Variants in NAV2 observed in about 807,000 individuals in gnomAD.
NAV2 encodes the protein neuron navigator 2.
A neutral mutation model predicts 223.2 loss-of-function variants in NAV2; 54 were observed. That is an observed-to-expected ratio of 0.24 (90% CI 0.19 to 0.30). The LOEUF (loss-of-function observed/expected upper bound fraction) is 0.30. NAV2 is among the 10% of genes least tolerant of loss of function. The probability of loss-of-function intolerance (pLI) is 1.00; values close to 1 mark genes in which losing one functional copy is unlikely to be tolerated. For missense variants in NAV2, 2,806 were observed against 3,147.5 expected, an observed-to-expected ratio of 0.89 and a Z score of 2.60; for synonymous variants, 1,279 against 1,239.3, an observed-to-expected ratio of 1.03 and a Z score of -0.67.
chr11:20,007,643 G>A (rs948889233), intron 11 of NAV2, among the ~76,000 whole-genome samples: 1 of 152,230 alleles, frequency 6.6e-6, no homozygotes, highest in South Asian at 2.1e-4. Context: ...TTGGCTGGGG[G>A]ACAAAAGCCA....
upstream of NAV2, among the ~76,000 whole-genome samples, chr11:19,708,988 C>T (rs918394966): frequency 6.6e-6 from 1 of 151,818 alleles, no homozygotes; most frequent in Admixed American, 6.6e-5. Context: ...TTCTCCAAAC[C>T]AGTGACTTGC....
At position 19,369,842 on chromosome 11, in the gene NAV2, A is replaced by G. The variant is rs143047198; in HGVS notation, c.75+18815A>G. On this transcript the variant is annotated intron_variant, in intron 1 of 37. Coordinates refer to the NAV2 transcript ENST00000360655. ...AGTTTCCTTTGGTAGGCACCTTGAC[A>G]TCTCTTTTCTTGCTGGGGCTTTAAC... 8.8e-3 allele frequency among the ~76,000 whole-genome samples: 1,335 copies of G among 152,316 alleles called. 9 individuals carry two copies. The highest frequency in any genetic ancestry group is 0.011 in the Non-Finnish European group (767 of 68,028).
At chr11:19,351,116 G>A (rs1853282778) in intron 1 of NAV2, 1 of 1,297,816 alleles carries the variant, frequency 7.7e-7, no homozygotes, top group African/African-American at 1.5e-5. Context: ...CATCGAGCAT[G>A]CTTGTCTGTC....
chr11:19,984,048 G>A (rs1035067770), intron 10 of NAV2, 77 bp from the exon 11 acceptor site: 17 of 1,599,440 alleles, frequency 1.1e-5, no homozygotes, highest in Non-Finnish European at 1.5e-5. Flanking sequence ...GGCTGTACAG[G>A]CTTCTGGATA....
chr11:19,462,324 C>T (rs575662672), intron 1 of NAV2, among the ~76,000 whole-genome samples: 3 of 152,274 alleles, frequency 2.0e-5, no homozygotes, highest in African/African-American at 7.2e-5. Context: ...ACAACTACTC[C>T]TAATTCCATA....
chr11:19,510,239 A>T (rs1186254093), intron 1 of NAV2, among the ~76,000 whole-genome samples: 1 of 152,222 alleles, frequency 6.6e-6, no homozygotes, highest in Non-Finnish European at 1.5e-5. Context: ...TTCTAAGCAC[A>T]TTAAGTGTGT....
At chr11:19,361,306 A>C (rs955170832) in intron 1 of NAV2, among the ~76,000 whole-genome samples, 5 of 151,684 alleles carry the variant, frequency 3.3e-5, no homozygotes, top group Non-Finnish European at 5.9e-5. Flanking sequence ...TCTTGTCCAT[A>C]GAAATCTGAG....
At chr11:19,588,394 T>C (rs1590619846) in intron 1 of NAV2, among the ~76,000 whole-genome samples, 1 of 152,206 alleles carries the variant, frequency 6.6e-6, no homozygotes, top group Non-Finnish European at 1.5e-5. Flanking sequence ...TCTAGGCCCA[T>C]AGCTGCAAAA....
At chr11:19,534,074 A>G (rs1321028548) in intron 1 of NAV2, among the ~76,000 whole-genome samples, 1 of 152,048 alleles carries the variant, frequency 6.6e-6, no homozygotes, top group Non-Finnish European at 1.5e-5. Flanking sequence ...TTGTCACCCC[A>G]TGCCACCCTT....
At chr11:19,790,900 G>GTT (rs572549834) in intron 1 of NAV2, among the ~76,000 whole-genome samples, 4 of 141,510 alleles carry the variant, frequency 2.8e-5, no homozygotes, top group Non-Finnish European at 4.7e-5. Context: ...AATATTGCTT[G>GTT]TTTTTTTTTT....
intron 1 of NAV2, among the ~76,000 whole-genome samples, chr11:19,656,197 G>C (rs929141087): frequency 5.3e-5 from 8 of 152,202 alleles, no homozygotes; most frequent in Admixed American, 4.6e-4. Flanking sequence ...AGAGCACTGA[G>C]GAGTGGCATG....
rs544782903 is a variant in NAV2 at position 19,619,359 on chromosome 11, A to G, written c.76-213125A>G. 2.8e-3 allele frequency among the ~76,000 whole-genome samples: 433 copies of G among 152,254 alleles called. 4 individuals carry two copies. Among genetic ancestry groups the G allele is most frequent in the African/African-American group, 1.0e-2 (415 of 41,540 alleles). ...CACTGACTTCCACAATGGTTGAACT[A>G]GTTTACAGTCCCACCAACAGTGTAA... On this transcript the variant is annotated intron_variant, in intron 1 of 37. Coordinates refer to the NAV2 transcript ENST00000360655.
intron 3 of NAV2, among the ~76,000 whole-genome samples, chr11:19,844,823 T>G (rs895618776): frequency 2.3e-5 from 3 of 132,286 alleles, no homozygotes; most frequent in African/African-American, 6.5e-5. Flanking sequence ...GAACTGTGTG[T>G]TTTTTTTTTT....
intron 1 of NAV2, among the ~76,000 whole-genome samples, chr11:19,678,178 TAAG>T (rs1376285164): frequency 6.6e-6 from 1 of 152,194 alleles, no homozygotes; most frequent in Admixed American, 6.5e-5. Context: ...ATAAGGATGA[TAAG>T]AAGAAAACCA....
chr11:19,996,178 G>T (rs1386540885), intron 11 of NAV2, among the ~76,000 whole-genome samples: 1 of 152,174 alleles, frequency 6.6e-6, no homozygotes, highest in Non-Finnish European at 1.5e-5. Flanking sequence ...TTGAATTAAG[G>T]TCTCTCTGGC....
At chr11:19,530,448 C>T (rs1192465228) in intron 1 of NAV2, among the ~76,000 whole-genome samples, 1 of 152,236 alleles carries the variant, frequency 6.6e-6, no homozygotes, top group Non-Finnish European at 1.5e-5. Flanking sequence ...GAAGGGCTCA[C>T]AGCAATTGTA....
At chr11:19,833,734 G>A (rs960451838) in intron 2 of NAV2, among the ~76,000 whole-genome samples, 1 of 152,188 alleles carries the variant, frequency 6.6e-6, no homozygotes, top group Non-Finnish European at 1.5e-5. Context: ...GTTGCCCAGG[G>A]TTGCATTCTC....
chr11:19,624,298 A>G (rs958333857), intron 1 of NAV2, among the ~76,000 whole-genome samples: 1 of 152,202 alleles, frequency 6.6e-6, no homozygotes, highest in Non-Finnish European at 1.5e-5. Flanking sequence ...CAAAGCTGTC[A>G]GACAGGGACA....
chr11:19,812,805 C>T (rs901978206), intron 1 of NAV2, among the ~76,000 whole-genome samples: 6 of 152,056 alleles, frequency 3.9e-5, no homozygotes, highest in Non-Finnish European at 7.4e-5. Context: ...CTTAGTTTTT[C>T]CATCGCCTTT....
Sources: gnomAD v4.1 joint callset for allele counts (sites outside exome capture counted in the v4.1 genomes callset) on GRCh38, gnomAD v4.1.1 for gene constraint, MANE v1.5 for transcripts, NCBI Gene and HGNC (gene_info 2026-07-23, HGNC 2026-07-21) for gene names.